UGT2B4: variants seen among roughly 807,000 people sequenced by gnomAD.
UGT2B4 encodes the protein UDP-glucuronosyltransferase 2B4.
In UGT2B4, 49 loss-of-function variants were observed where a neutral mutation model predicts 49.8. The observed-to-expected ratio is 0.98, with a 90% CI of 0.78 to 1.25. The LOEUF (loss-of-function observed/expected upper bound fraction) is 1.25, where lower values mean the gene tolerates loss of function less well. Among genes scored for constraint, UGT2B4 ranks in the 50% most tolerant of loss-of-function variants. UGT2B4 has a pLI of 0.00. For synonymous variants in UGT2B4, 246 were observed against 217.7 expected, an observed-to-expected ratio of 1.13 and a Z score of -1.14; for missense variants, 729 against 627.7, an observed-to-expected ratio of 1.16 and a Z score of -1.73.
upstream of UGT2B4, among the ~76,000 whole-genome samples, chr4:69,496,762 T>A (rs1488549535): frequency 2.0e-5 from 3 of 152,194 alleles, no homozygotes; most frequent in Non-Finnish European, 4.4e-5. Flanking sequence ...ATTTTTTAAA[T>A]ACATGGAATC....
upstream of UGT2B4, among the ~76,000 whole-genome samples, chr4:69,498,452 T>A (rs1336007746): frequency 6.6e-6 from 1 of 151,394 alleles, no homozygotes; most frequent in Non-Finnish European, 1.5e-5. Context: ...AAGCAACTGA[T>A]ACACAGAGAA....
chr4:69,501,795 G>A lies in UGT2B4; in HGVS notation c.-105-5829C>T, dbSNP rs1161431702. Among the ~76,000 whole-genome samples, 4 of 152,034 alleles carry A rather than the reference G, an allele frequency of 2.6e-5. No individual in the cohort carries two copies. The East Asian group carries it at 7.7e-4, about 29-fold the overall frequency. ...TTTGGAGGTTCCAAGGTGACCAGGG[G>A]CTGATATGTACCCCCAGCACAGCAC... On this transcript the variant is annotated intron_variant, in intron 1 of 1. Transcript: ENST00000510114.
At chr4:69,496,048 C>A (rs764783733), upstream of UGT2B4, 6 of 921,490 alleles carry the variant, frequency 6.5e-6, no homozygotes, top group Non-Finnish European at 8.9e-6. Context: ...CCTGTTTACA[C>A]AAGTGCGTTT....
chr4:69,493,604 T>C (rs1728057368), intron 2 of UGT2B4, 89 bp downstream of exon 2: 1 of 1,441,974 alleles, frequency 6.9e-7, no homozygotes, highest in African/African-American at 1.5e-5. Flanking sequence ...CTTCCACCTT[T>C]CTTCCAGTGT....
intron 1 of UGT2B4, among the ~76,000 whole-genome samples, chr4:69,521,341 C>A (rs77633703): frequency 6.6e-6 from 1 of 152,126 alleles, no homozygotes; most frequent in Non-Finnish European, 1.5e-5. Flanking sequence ...GTCTCCCCAG[C>A]CAGGGACGTG....
intron 4 of UGT2B4, among the ~76,000 whole-genome samples, chr4:69,485,939 T>C (rs1727768416): frequency 6.6e-6 from 1 of 152,008 alleles, no homozygotes; most frequent in Non-Finnish European, 1.5e-5. Flanking sequence ...TTTTTGTATT[T>C]TAATAGAGAC....
intron 3 of UGT2B4, among the ~76,000 whole-genome samples, chr4:69,486,978 G>A (rs1463478331): frequency 1.3e-5 from 2 of 152,082 alleles, no homozygotes; most frequent in Admixed American, 6.6e-5. Context: ...AAAACTATAT[G>A]TGGCAAACCA....
rs142550543 is a variant in UGT2B4 at position 69,507,128 on chromosome 4, G to T, written c.-105-11162C>A. On this transcript the variant is annotated intron_variant, in intron 1 of 1. Coordinates refer to the UGT2B4 transcript ENST00000510114. ...CCCACAGTCAACATCATACTGAATG[G>T]GCAAAAGCTGGAGAGATTTCCCTTG... Among the ~76,000 whole-genome samples the T allele has an allele frequency of 2.8e-3, 423 of 152,246 alleles. 2 individuals are homozygous for T. Among genetic ancestry groups the T allele is most frequent in the African/African-American group, 9.6e-3 (397 of 41,552 alleles).
chr4:69,509,268 C>A (rs1377306620), intron 1 of UGT2B4, among the ~76,000 whole-genome samples: 1 of 150,384 alleles, frequency 6.6e-6, no homozygotes, highest in South Asian at 2.1e-4. Flanking sequence ...GCCTCCCAGG[C>A]TGAAGCAATT....
At chr4:69,483,398 TG>T (rs1245996813) in intron 5 of UGT2B4, among the ~76,000 whole-genome samples, 1 of 152,176 alleles carries the variant, frequency 6.6e-6, no homozygotes, top group African/African-American at 2.4e-5. Flanking sequence ...GTGTGTGTTA[TG>T]TTACATTACA....
chr4:69,499,898 A>G (rs1347284196), upstream of UGT2B4, among the ~76,000 whole-genome samples: 1 of 152,122 alleles, frequency 6.6e-6, no homozygotes, highest in Non-Finnish European at 1.5e-5. Flanking sequence ...GTTACTGAGT[A>G]TATACCCAAA....
chr4:69,493,181 G>A (rs943955497), intron 2 of UGT2B4, among the ~76,000 whole-genome samples: 1 of 151,750 alleles, frequency 6.6e-6, no homozygotes, highest in Non-Finnish European at 1.5e-5. Flanking sequence ...ACCTATTCCT[G>A]CATATAGTTC....
rs1468927795 is a variant in UGT2B4, at chr4:69,480,953, A to G, written c.1311-43T>C. 4 of 1,598,718 alleles carry G rather than the reference A, an allele frequency of 2.5e-6. No individual in the cohort carries two copies. The African/African-American group carries it at 5.4e-5, about 21-fold the overall frequency. ...AAGTATCAACATTGAAAGTAAGTTA[A>G]TTTGGCCAGGCACGGAGGCTCACAC... On this transcript the variant is annotated intron_variant, in intron 5 of 5. Transcript: ENST00000305107.
At chr4:69,519,662 T>C (rs1317884991) in intron 1 of UGT2B4, among the ~76,000 whole-genome samples, 2 of 151,496 alleles carry the variant, frequency 1.3e-5, no homozygotes, top group Non-Finnish European at 2.9e-5. Context: ...ATTTTCTCAC[T>C]AGGGTCTTCT....
intron 1 of UGT2B4, among the ~76,000 whole-genome samples, chr4:69,502,720 C>T (rs536387081): frequency 3.3e-5 from 5 of 152,284 alleles, no homozygotes; most frequent in African/African-American, 1.2e-4. Flanking sequence ...CCAGGGGCCC[C>T]TGAAAGCCTC....
At chr4:69,517,233 TC>T (rs1049286626) in intron 1 of UGT2B4, among the ~76,000 whole-genome samples, 3 of 151,718 alleles carry the variant, frequency 2.0e-5, no homozygotes, top group Admixed American at 1.3e-4. Flanking sequence ...TGTTTAGCCC[TC>T]CCCCCCAAGA....
chr4:69,505,750 G>A (rs1382593052), intron 1 of UGT2B4, among the ~76,000 whole-genome samples: 5 of 152,052 alleles, frequency 3.3e-5, no homozygotes, highest in South Asian at 2.1e-4. Flanking sequence ...ACCCCAAACA[G>A]AAGAATATAC....
rs1727552246 is a variant in UGT2B4, at chr4:69,480,565, C to T, written c.*69G>A. The T allele has an allele frequency of 2.0e-6, 3 of 1,536,778 alleles. No individual in the cohort carries two copies. The highest frequency in any genetic ancestry group is 1.3e-5 in the South Asian group (1 of 76,614). On this transcript the variant is annotated 3_prime_UTR_variant, in exon 6 of 6. Transcript: ENST00000305107. Reference sequence around the variant, plus strand: ...AAGAAAGGAATCTCTTGTATCACAACGTCTTCTTGTTGTAATAAACTAAAG... The same window carrying T: ...AAGAAAGGAATCTCTTGTATCACAATGTCTTCTTGTTGTAATAAACTAAAG...
At chr4:69,513,950 C>T (rs1728669316) in intron 1 of UGT2B4, among the ~76,000 whole-genome samples, 1 of 152,072 alleles carries the variant, frequency 6.6e-6, no homozygotes. Context: ...GCTGAATTTA[C>T]TTATCACCTT....
Sources: gnomAD v4.1 joint callset for allele counts (sites outside exome capture counted in the v4.1 genomes callset) on GRCh38, gnomAD v4.1.1 for gene constraint, MANE v1.5 for transcripts, NCBI Gene and HGNC (gene_info 2026-07-23, HGNC 2026-07-21) for gene names.